The following MAP2K1 variants were observed in gnomAD, a reference collection of about 807,000 sequenced individuals.
MAP2K1 encodes mitogen-activated protein kinase kinase 1.
Under a neutral mutation model 46.3 loss-of-function variants are expected in MAP2K1, and 16 were observed. The observed-to-expected ratio is 0.35, with a 90% CI of 0.23 to 0.52. The LOEUF (loss-of-function observed/expected upper bound fraction) is 0.52. Among genes scored for constraint, MAP2K1 ranks in the 20% least tolerant of loss-of-function variants. The pLI, the probability that MAP2K1 is intolerant of heterozygous loss-of-function variation, is 0.94. For synonymous variants in MAP2K1, 183 were observed against 185.6 expected (o/e 0.99, Z 0.11); for missense variants, 263 against 497.1 (o/e 0.53, Z 4.48).
intron 1 of MAP2K1, chr15:66,414,972 G>A: frequency 2.3e-6 from 1 of 435,812 alleles, no homozygotes; most frequent in South Asian, 1.6e-5. Context: ...TGAGCTCCTT[G>A]TAGGAAAGGC....
At chr15:66,416,634 T>G (rs770349938) in intron 1 of MAP2K1, among the ~76,000 whole-genome samples, 3 of 152,184 alleles carry the variant, frequency 2.0e-5, no homozygotes, top group Admixed American at 6.5e-5. Context: ...CATTTCCCTT[T>G]CTATGTTTTT....
At chr15:66,453,454 GTCT>G (rs1343584352) in intron 5 of MAP2K1, 1 of 702,030 alleles carries the variant, frequency 1.4e-6, no homozygotes, top group Non-Finnish European at 2.6e-6. Flanking sequence ...TTGTTTACAA[GTCT>G]TCTCCAGAAG....
intron 1 of MAP2K1, among the ~76,000 whole-genome samples, chr15:66,389,826 C>T (rs1243331774): frequency 6.6e-6 from 1 of 152,110 alleles, no homozygotes; most frequent in African/African-American, 2.4e-5. Flanking sequence ...CCCACCTCAG[C>T]CTCCTAAAGT....
rs1489628958 is a variant in MAP2K1 at position 66,490,278 on chromosome 15, T to G, written c.1069-224T>G. ...AGTTACTGTCTCCATACTGCACGAGTAGGCTCCAAGAGGTGACTTGCCCAA... is the reference window on the plus strand; with the variant it reads ...AGTTACTGTCTCCATACTGCACGAGGAGGCTCCAAGAGGTGACTTGCCCAA... On this transcript the variant is annotated intron_variant, in intron 10 of 10. Transcript: ENST00000307102. 1.3e-4 allele frequency: 87 copies of G among 672,868 alleles called. 1 individual carries two copies. The highest frequency in any genetic ancestry group is 1.0e-3 in the South Asian group (69 of 65,754). 41.7% of individuals were successfully genotyped at this position (672,868 alleles called of 1,614,324 possible). A position where few individuals can be genotyped will look rare whatever the true frequency, so the allele number is the denominator to read the frequency against.
rs61156345 is a variant in MAP2K1 at position 66,390,603 on chromosome 15, A to G, written c.80+3176A>G. ...CCTCAAAGAAAAATCATGCAAAAAT[A>G]GCTTTCTTTTGTGTATTTTGCAGAA... On this transcript the variant is annotated intron_variant, in intron 1 of 10. Coordinates refer to ENST00000307102, the MANE Select transcript of MAP2K1 (RefSeq NM_002755.4). 4.9e-3 allele frequency among the ~76,000 whole-genome samples: 746 copies of G among 152,286 alleles called. 7 individuals carry two copies. Among genetic ancestry groups the G allele is most frequent in the African/African-American group, 0.017 (713 of 41,550 alleles).
intron 8 of MAP2K1, among the ~76,000 whole-genome samples, chr15:66,488,487 C>T (rs1893126643): frequency 6.6e-6 from 1 of 152,172 alleles, no homozygotes; most frequent in African/African-American, 2.4e-5. Flanking sequence ...GTACACACAG[C>T]TCCCAGCCCA....
At chr15:66,483,272 T>C (rs369544928) in intron 6 of MAP2K1, among the ~76,000 whole-genome samples, 2 of 152,240 alleles carry the variant, frequency 1.3e-5, no homozygotes, top group East Asian at 1.9e-4. Context: ...ACTGTCAACA[T>C]CACTCACCTG....
rs577679759 is a variant in MAP2K1, at chr15:66,439,068, A to G, written c.438+2176A>G. Among the ~76,000 whole-genome samples, 208 of 152,222 alleles carry G rather than the reference A, an allele frequency of 1.4e-3. 1 individual carries two copies. Among genetic ancestry groups the G allele is most frequent in the Non-Finnish European group, 2.6e-3 (174 of 68,008 alleles). Reference sequence around the variant, plus strand: ...GTGGCTTTCTGCTTCAGCTCTGGGCACTCTCAGCCCTTCCTTATTCCTGAG... The same window carrying G: ...GTGGCTTTCTGCTTCAGCTCTGGGCGCTCTCAGCCCTTCCTTATTCCTGAG... On this transcript the variant is annotated intron_variant, in intron 3 of 10. Transcript: ENST00000307102.
chr15:66,449,515 CTA>C (rs1197677661), intron 5 of MAP2K1, among the ~76,000 whole-genome samples: 3 of 152,172 alleles, frequency 2.0e-5, no homozygotes, highest in Non-Finnish European at 2.9e-5. Flanking sequence ...AATAGAAACA[CTA>C]AATCTTGTTT....
chr15:66,387,922 G>A (rs2093346252), intron 1 of MAP2K1, among the ~76,000 whole-genome samples: 1 of 152,192 alleles, frequency 6.6e-6, no homozygotes, highest in African/African-American at 2.4e-5. Flanking sequence ...CAGGCCAACT[G>A]CCTGGCCAGC....
At chr15:66,469,611 GAGA>G (rs201969247) in intron 5 of MAP2K1, among the ~76,000 whole-genome samples, 1,878 of 146,314 alleles carry the variant, frequency 0.013, 35 homozygotes, top group African/African-American at 0.044. Flanking sequence ...TCTGTCAACT[GAGA>G]AGAAGAAAAA....
At chr15:66,400,174 A>AC (rs2093377988) in intron 1 of MAP2K1, among the ~76,000 whole-genome samples, 4 of 151,896 alleles carry the variant, frequency 2.6e-5, no homozygotes, top group African/African-American at 2.4e-5. Flanking sequence ...GCAAAAAAAA[A>AC]CCTTTTCTGC....
intron 5 of MAP2K1, among the ~76,000 whole-genome samples, chr15:66,470,041 TTTTTTC>T: frequency 6.6e-6 from 1 of 151,452 alleles, no homozygotes; most frequent in African/African-American, 2.4e-5. Flanking sequence ...AATCTTTCCT[TTTTTTC>T]TTTTGCTGGC....
intron 5 of MAP2K1, among the ~76,000 whole-genome samples, chr15:66,447,836 A>G (rs954887354): frequency 1.3e-5 from 2 of 151,956 alleles, no homozygotes; most frequent in Non-Finnish European, 2.9e-5. Flanking sequence ...TTTTCATCTT[A>G]CAGACCTCAA....
chr15:66,469,497 T>TTTG (rs1555419238), intron 5 of MAP2K1, among the ~76,000 whole-genome samples: 11 of 144,926 alleles, frequency 7.6e-5, no homozygotes, highest in Non-Finnish European at 1.7e-4. Context: ...TTTTTTTTTT[T>TTTG]TTGTTGAGGA....
At chr15:66,401,204 G>T (rs1279325769) in intron 1 of MAP2K1, among the ~76,000 whole-genome samples, 1 of 152,144 alleles carries the variant, frequency 6.6e-6, no homozygotes, top group South Asian at 2.1e-4. Flanking sequence ...GCTTGTAAAT[G>T]TTTTTGAGTC....
At chr15:66,420,753 G>GTATATA (rs2093436795) in intron 1 of MAP2K1, among the ~76,000 whole-genome samples, 1 of 45,348 alleles carries the variant, frequency 2.2e-5, no homozygotes, top group African/African-American at 6.2e-5. Flanking sequence ...GTGTGTGTGT[G>GTATATA]TGTGTGTATG....
intron 1 of MAP2K1, among the ~76,000 whole-genome samples, chr15:66,398,355 C>A (rs2093373252): frequency 6.6e-6 from 1 of 152,114 alleles, no homozygotes; most frequent in South Asian, 2.1e-4. Flanking sequence ...GGCGAGATTG[C>A]AGTGAGCGGT....
chr15:66,425,002 G>T (rs540940037), intron 1 of MAP2K1, among the ~76,000 whole-genome samples: 2 of 151,810 alleles, frequency 1.3e-5, no homozygotes, highest in Non-Finnish European at 2.9e-5. Flanking sequence ...CTCCATGTTC[G>T]TCAGGCTGTT....
Sources: gnomAD v4.1 joint callset for allele counts (sites outside exome capture counted in the v4.1 genomes callset) on GRCh38, gnomAD v4.1.1 for gene constraint, MANE v1.5 for transcripts, NCBI Gene and HGNC (gene_info 2026-07-23, HGNC 2026-07-21) for gene names.